The following RNF220 variants were observed in gnomAD, a reference collection of about 807,000 sequenced individuals.
The protein encoded by RNF220 is E3 ubiquitin-protein ligase RNF220.
In RNF220, 7 loss-of-function variants were observed where a neutral mutation model predicts 67.1. That is an observed-to-expected ratio of 0.10 (90% CI 0.06 to 0.20). RNF220 has a LOEUF of 0.20. Ranked by LOEUF, RNF220 falls within the 10% of genes least tolerant of loss-of-function variation. RNF220 has a pLI of 1.00. For missense variants in RNF220, 565 were observed against 740.3 expected (o/e 0.76, Z 2.75); for synonymous variants, 270 against 283.2 (o/e 0.95, Z 0.47).
intron 2 of RNF220, among the ~76,000 whole-genome samples, chr1:44,470,925 G>A (rs531374623): frequency 1.4e-4 from 22 of 152,078 alleles, no homozygotes; most frequent in African/African-American, 4.1e-4. Context: ...GACCTTCTCC[G>A]CTTCTTTATC....
At chr1:44,497,415 T>C (rs76455346) in intron 2 of RNF220, among the ~76,000 whole-genome samples, 1,647 of 152,050 alleles carry the variant, frequency 0.011, 12 homozygotes, top group Non-Finnish European at 0.015. Flanking sequence ...AGACCAAGGT[T>C]TTCCTGTATA....
chr1:44,463,798 C>G (rs1654017707), intron 2 of RNF220, among the ~76,000 whole-genome samples: 1 of 152,232 alleles, frequency 6.6e-6, no homozygotes, highest in Admixed American at 6.5e-5. Flanking sequence ...CCACTCCCTT[C>G]TAATTCACTC....
Position 44,650,063 on chromosome 1 carries a change from A to C in RNF220, c.1629+106A>C, listed in dbSNP as rs1266262777. 2 of 1,189,564 alleles carry C rather than the reference A, an allele frequency of 1.7e-6. No individual in the cohort carries two copies. The highest frequency in any genetic ancestry group is 4.0e-5 in the Admixed American group (2 of 50,618). The allele number at this position is 1,189,564 out of a possible 1,614,324, so 73.7% of individuals were successfully genotyped here. A position where few individuals can be genotyped will look rare whatever the true frequency, so the allele number is the denominator to read the frequency against. ...GGGGGAAGTGGGGAGCATGGCGCAA[A>C]GGAGAACAGAGCCAGGAGCCAGGAT... On this transcript the variant is annotated intron_variant, in intron 14 of 14. Transcript: ENST00000361799. This position sits in a 1 kb window ranked among gnomAD's most constrained non-coding sequence, Gnocchi z 4.3.
Position 44,409,133 on chromosome 1 carries a change from A to AT in RNF220, c.-117-2846dup, listed in dbSNP as rs1647710210. 4.0e-3 allele frequency among the ~76,000 whole-genome samples: 605 copies of AT among 151,396 alleles called. 11 individuals carry two copies. The highest frequency in any genetic ancestry group is 0.014 in the African/African-American group (572 of 40,678). Reference sequence around the variant, plus strand: ...AACCACGCAATTAGTAATCTCACTAATTATTCAGATAGCTGGCGTTTTGCA... The same window carrying AT: ...AACCACGCAATTAGTAATCTCACTAATTTATTCAGATAGCTGGCGTTTTGCA... On this transcript the variant is annotated intron_variant, in intron 1 of 14. Coordinates refer to ENST00000361799, the MANE Select transcript of RNF220 (RefSeq NM_018150.4).
chr1:44,526,057 T>A (rs1207075821), intron 2 of RNF220, among the ~76,000 whole-genome samples: 1 of 152,216 alleles, frequency 6.6e-6, no homozygotes, highest in Non-Finnish European at 1.5e-5. Flanking sequence ...GATCAACATC[T>A]TTAAAGAATT....
At chr1:44,591,893 C>T (rs1666141712) in intron 2 of RNF220, among the ~76,000 whole-genome samples, 1 of 151,974 alleles carries the variant, frequency 6.6e-6, no homozygotes. Flanking sequence ...CCAGGAAGCC[C>T]TCTCCACCTC....
intron 2 of RNF220, among the ~76,000 whole-genome samples, chr1:44,448,458 T>A (rs1011210373): frequency 5.3e-5 from 8 of 152,242 alleles, no homozygotes; most frequent in Non-Finnish European, 1.2e-4. Flanking sequence ...AAGGGCAATA[T>A]CATGTGGCAC....
At chr1:44,407,329 G>A (rs1487881915) in intron 1 of RNF220, among the ~76,000 whole-genome samples, 3 of 152,210 alleles carry the variant, frequency 2.0e-5, no homozygotes, top group Non-Finnish European at 2.9e-5. Context: ...AGCAGCGAGG[G>A]GACTGGGGGG....
At chr1:44,564,504 G>T (rs1478950083) in intron 2 of RNF220, among the ~76,000 whole-genome samples, 1 of 152,104 alleles carries the variant, frequency 6.6e-6, no homozygotes, top group Non-Finnish European at 1.5e-5. Context: ...CCTGTAATCA[G>T]CACTTTGGGA....
chr1:44,545,684 G>A (rs1235859763), intron 2 of RNF220: 1 of 153,160 alleles, frequency 6.5e-6, no homozygotes, highest in Non-Finnish European at 1.5e-5. Context: ...GAGATATCTA[G>A]GGGGCCTAAA....
chr1:44,451,431 C>T (rs1652673584), intron 2 of RNF220, among the ~76,000 whole-genome samples: 1 of 151,878 alleles, frequency 6.6e-6, no homozygotes, highest in East Asian at 1.9e-4. Context: ...CTGTGAATTG[C>T]CTGTTTATAT....
At chr1:44,470,742 G>C (rs1230543070) in intron 2 of RNF220, among the ~76,000 whole-genome samples, 1 of 152,170 alleles carries the variant, frequency 6.6e-6, no homozygotes, top group Non-Finnish European at 1.5e-5. Flanking sequence ...TTGCTCTCTA[G>C]CTGGACCCTT....
Position 44,645,751 on chromosome 1 carries a change from G to A in RNF220, c.1445+263G>A, listed in dbSNP as rs761820019. Among the ~76,000 whole-genome samples the A allele has an allele frequency of 1.4e-3, 220 of 152,378 alleles. 2 individuals carry two copies. Among genetic ancestry groups the A allele is most frequent in the Non-Finnish European group, 2.7e-3 (183 of 68,046 alleles). ...CCTGCCTGCCTGCCCGCCTGCTGCGGCGGCCTTCGCCCGGGGAATGTGATG... is the reference window on the plus strand; with the variant it reads ...CCTGCCTGCCTGCCCGCCTGCTGCGACGGCCTTCGCCCGGGGAATGTGATG... On this transcript the variant is annotated intron_variant, in intron 12 of 14. Coordinates refer to ENST00000361799, the MANE Select transcript of RNF220 (RefSeq NM_018150.4). This position sits in a 1 kb window ranked among gnomAD's most constrained non-coding sequence, Gnocchi z 5.0.
intron 2 of RNF220, among the ~76,000 whole-genome samples, chr1:44,463,992 C>T (rs1205631936): frequency 1.3e-5 from 2 of 152,106 alleles, no homozygotes; most frequent in African/African-American, 2.4e-5. Flanking sequence ...AGGGGTGCCT[C>T]CTAATTGGTT....
At chr1:44,555,257 A>C (rs1393818270) in intron 2 of RNF220, among the ~76,000 whole-genome samples, 2 of 152,084 alleles carry the variant, frequency 1.3e-5, no homozygotes, top group African/African-American at 2.4e-5. Context: ...TTGTAGAGAC[A>C]GGATCTCACT....
intron 2 of RNF220, among the ~76,000 whole-genome samples, chr1:44,507,374 C>T (rs1332257723): frequency 1.3e-5 from 2 of 152,126 alleles, no homozygotes; most frequent in Non-Finnish European, 2.9e-5. Context: ...CTCCACCTCT[C>T]CAGAGCCTAG....
At chr1:44,431,130 A>G (rs1650320462) in intron 2 of RNF220, among the ~76,000 whole-genome samples, 1 of 152,192 alleles carries the variant, frequency 6.6e-6, no homozygotes, top group African/African-American at 2.4e-5. Context: ...AGGTTAACTG[A>G]TGGTTATTTC....
intron 2 of RNF220, among the ~76,000 whole-genome samples, chr1:44,608,403 A>G (rs913946578): frequency 6.6e-6 from 1 of 152,208 alleles, no homozygotes; most frequent in South Asian, 2.1e-4. Flanking sequence ...ATATTGAATC[A>G]TTAGCTAGGT....
At chr1:44,527,174 A>G (rs1263908474) in intron 2 of RNF220, among the ~76,000 whole-genome samples, 6 of 151,838 alleles carry the variant, frequency 4.0e-5, no homozygotes, top group Admixed American at 6.6e-5. Context: ...CTGCCAACTC[A>G]CTATCTCTCC....
Sources: gnomAD v4.1 joint callset for allele counts (sites outside exome capture counted in the v4.1 genomes callset) on GRCh38, gnomAD v4.1.1 for gene constraint, Gnocchi (gnomAD v3.1) non-coding constraint, MANE v1.5 for transcripts, NCBI Gene and HGNC (gene_info 2026-07-23, HGNC 2026-07-21) for gene names.